SETBP1: variants seen among roughly 807,000 people sequenced by gnomAD.
SETBP1 encodes the protein SET binding protein 1, also known as SET-binding protein.
In SETBP1, 9 loss-of-function variants were observed where a neutral mutation model predicts 101.0. That is an observed-to-expected ratio of 0.09 (90% CI 0.05 to 0.16). The LOEUF (loss-of-function observed/expected upper bound fraction) is 0.16, where lower values mean the gene tolerates loss of function less well. Ranked by LOEUF, SETBP1 falls within the 10% of genes least tolerant of loss-of-function variation. The probability of loss-of-function intolerance (pLI) is 1.00; values close to 1 mark genes in which losing one functional copy is unlikely to be tolerated. For synonymous variants in SETBP1, 818 were observed against 788.5 expected (o/e 1.04, Z -0.63); for missense variants, 1,858 against 2,033.8 (o/e 0.91, Z 1.66).
At position 44,953,311 on chromosome 18, in the gene SETBP1, G is replaced by A; in HGVS notation, c.3971G>A (p.Arg1324Lys). The A allele has an allele frequency of 1.2e-6, 2 of 1,613,964 alleles. No individual in the cohort carries two copies. The highest frequency in any genetic ancestry group is 1.7e-6 in the Non-Finnish European group (2 of 1,180,016). ...GCCTTCAAGATGAACCGCAAGGAGAGAAGTTCTTATGACTCCTCCATGTCT... is the reference window on the plus strand; with the variant it reads ...GCCTTCAAGATGAACCGCAAGGAGAAAAGTTCTTATGACTCCTCCATGTCT... ...IQAFKMNRKE[R>K]SSYDSSMSPG... Residue 1324 changes from arginine to lysine, a missense_variant, in exon 4 of 6, where the codon AGA becomes AAA. Around this residue, in one of 12 missense-constraint regions of SETBP1, gnomAD observed 417 missense variants for 389.1 expected, o/e 1.07. Coordinates refer to ENST00000649279, the MANE Select transcript of SETBP1 (RefSeq NM_015559.3).
At chr18:44,900,249 G>A (rs2070010834) in intron 3 of SETBP1, among the ~76,000 whole-genome samples, 2 of 152,190 alleles carry the variant, frequency 1.3e-5, no homozygotes, top group African/African-American at 4.8e-5. Flanking sequence ...CTGGGGTTGG[G>A]CCCCAGCAAT....
At chr18:45,021,326 A>G (rs891359774) in intron 4 of SETBP1, among the ~76,000 whole-genome samples, 1 of 152,180 alleles carries the variant, frequency 6.6e-6, no homozygotes, top group South Asian at 2.1e-4. Context: ...CACGGTTTAA[A>G]TCTATAATGC....
At chr18:44,710,640 C>T (rs536363585) in intron 2 of SETBP1, among the ~76,000 whole-genome samples, 33 of 152,054 alleles carry the variant, frequency 2.2e-4, no homozygotes, top group Admixed American at 2.0e-3. Context: ...TTAGTAGAGA[C>T]GAGGTTTCAC....
intron 2 of SETBP1, among the ~76,000 whole-genome samples, chr18:44,814,193 G>A (rs2071925171): frequency 1.3e-5 from 2 of 152,184 alleles, no homozygotes; most frequent in Admixed American, 6.5e-5. Flanking sequence ...TGAACAGAGA[G>A]TAGAATCTTC....
intron 2 of SETBP1, among the ~76,000 whole-genome samples, chr18:44,772,019 T>G (rs1263719159): frequency 6.6e-6 from 1 of 152,236 alleles, no homozygotes; most frequent in Non-Finnish European, 1.5e-5. Context: ...GCAGTGAGGC[T>G]GTGTGCTGTT....
intron 2 of SETBP1, among the ~76,000 whole-genome samples, chr18:44,866,614 A>T (rs938881007): frequency 6.6e-6 from 1 of 152,202 alleles, no homozygotes; most frequent in Non-Finnish European, 1.5e-5. Flanking sequence ...AACTAGGAAG[A>T]TATCTACCTT....
chr18:44,713,215 C>T (rs1298706761), intron 2 of SETBP1, among the ~76,000 whole-genome samples: 1 of 151,952 alleles, frequency 6.6e-6, no homozygotes, highest in Non-Finnish European at 1.5e-5. Context: ...CCTCGGCCTC[C>T]CAAAGTGCTG....
intron 4 of SETBP1, among the ~76,000 whole-genome samples, chr18:44,990,087 C>T (rs1313671657): frequency 6.6e-6 from 1 of 151,758 alleles, no homozygotes; most frequent in East Asian, 1.9e-4. Context: ...GCCAGAGAAA[C>T]ATCCAGAGCA....
At chr18:44,799,528 C>G (rs762485818) in intron 2 of SETBP1, among the ~76,000 whole-genome samples, 45 of 152,300 alleles carry the variant, frequency 3.0e-4, no homozygotes, top group Non-Finnish European at 5.1e-4. Context: ...GTCTCTCTAC[C>G]TCCAGGTTGT....
chr18:44,701,297 C>G lies in SETBP1; in HGVS notation c.-50C>G. ...CCTCTTTTCTCACCTTTCCCTTTTC[C>G]CTTTTCCCCTTCCCCCTCCTGAGAA... On this transcript the variant is annotated 5_prime_UTR_variant, in exon 2 of 6. Coordinates refer to ENST00000649279, the MANE Select transcript of SETBP1 (RefSeq NM_015559.3). The G allele has an allele frequency of 2.1e-6, 3 of 1,451,680 alleles. No homozygotes were observed. In the East Asian group the frequency reaches 7.5e-5, roughly 36 times the overall value. 89.9% of individuals were successfully genotyped at this position (1,451,680 alleles called of 1,614,324 possible).
Position 44,701,372 on chromosome 18 carries a change from G to A in SETBP1, c.26G>A (p.Ser9Asn). ...ATGGAGTCCAGGGAAACCTTAAGCA[G>A]CTCCCGGCAAAGAGGGGGCGAGTCA... MESRETLSSSRQRGGESDF... is the reference protein window; with the variant it reads MESRETLSNSRQRGGESDF... The change falls in exon 2 of 6, where the codon AGC becomes AAC. Residue 9 changes from serine to asparagine, a missense_variant. By Grantham distance (46) the Ser-to-Asn change is conservative (BLOSUM62 1). This residue lies in a region of SETBP1 where 97 missense variants were observed against 101.2 expected (regional missense o/e 0.96). Coordinates refer to ENST00000649279, the MANE Select transcript of SETBP1 (RefSeq NM_015559.3). 6.5e-7 allele frequency: 1 copy of A among 1,528,434 alleles called. No individual in the cohort carries two copies. The highest frequency in any genetic ancestry group is 8.8e-7 in the Non-Finnish European group (1 of 1,134,434). 94.7% of individuals were successfully genotyped at this position (1,528,434 alleles called of 1,614,324 possible).
intron 3 of SETBP1, among the ~76,000 whole-genome samples, chr18:44,876,109 T>C (rs1241762575): frequency 2.6e-5 from 4 of 152,228 alleles, no homozygotes; most frequent in Admixed American, 6.5e-5. Context: ...AGTTTCTTAT[T>C]GTTCTCATTC....
At chr18:44,939,749 A>C (rs1320224808) in intron 3 of SETBP1, among the ~76,000 whole-genome samples, 1 of 152,218 alleles carries the variant, frequency 6.6e-6, no homozygotes, top group Non-Finnish European at 1.5e-5. Context: ...TAGCCATCCC[A>C]GTGAATGTGC....
At chr18:44,874,844 C>T (rs2069360346) in intron 3 of SETBP1, among the ~76,000 whole-genome samples, 5 of 152,130 alleles carry the variant, frequency 3.3e-5, no homozygotes, top group Admixed American at 3.3e-4. Flanking sequence ...AATGCCAAAC[C>T]CCAAAGTATT....
intron 2 of SETBP1, among the ~76,000 whole-genome samples, chr18:44,719,850 A>G (rs761585659): frequency 5.9e-5 from 9 of 152,150 alleles, no homozygotes; most frequent in Non-Finnish European, 1.0e-4. Flanking sequence ...TCATCCTCAG[A>G]AGACAGTCCA....
intron 2 of SETBP1, among the ~76,000 whole-genome samples, chr18:44,747,692 G>A (rs967027807): frequency 6.6e-6 from 1 of 152,252 alleles, no homozygotes; most frequent in African/African-American, 2.4e-5. Context: ...TATTCAGAAT[G>A]TTAAGAGGTG....
chr18:44,715,623 A>G (rs1309755779), intron 2 of SETBP1, among the ~76,000 whole-genome samples: 1 of 152,234 alleles, frequency 6.6e-6, no homozygotes, highest in Non-Finnish European at 1.5e-5. Flanking sequence ...TTTTCACATT[A>G]TTCTGAAGAT....
chr18:44,739,509 T>C (rs2070051455), intron 2 of SETBP1, among the ~76,000 whole-genome samples: 1 of 152,198 alleles, frequency 6.6e-6, no homozygotes, highest in African/African-American at 2.4e-5. Context: ...GGAGTCATAA[T>C]GCTTTCAAGA....
rs775091518 is a variant in SETBP1 at position 44,701,493 on chromosome 18, G to A, written c.147G>A (p.Pro49=). Reference sequence around the variant, plus strand: ...CTCCAGGACCTGGGAAGGGGATCCCGGTGGGCGGAGAGCGCATGGAGCCAG... The same window carrying A: ...CTCCAGGACCTGGGAAGGGGATCCCAGTGGGCGGAGAGCGCATGGAGCCAG... ...LSTPGPGKGI[P]VGGERMEPEE... Residue 49 remains proline (P), a synonymous_variant, in exon 2 of 6, where the codon CCG becomes CCA. Transcript: ENST00000649279. 6.2e-7 allele frequency: 1 copy of A among 1,613,930 alleles called. No homozygotes were observed. Among genetic ancestry groups the A allele is most frequent in the Non-Finnish European group, 8.5e-7 (1 of 1,179,840 alleles).
Sources: gnomAD v4.1 joint callset for allele counts (sites outside exome capture counted in the v4.1 genomes callset) on GRCh38, gnomAD v4.1.1 for gene constraint, gnomAD v4.1.1 regional missense constraint, MANE v1.5 for transcripts, NCBI Gene and HGNC (gene_info 2026-07-23, HGNC 2026-07-21) for gene names.